The following PHACTR1 variants were observed in gnomAD, a reference collection of about 807,000 sequenced individuals.
PHACTR1 encodes phosphatase and actin regulator 1.
PHACTR1 carries 16 observed loss-of-function variants against 69.2 expected under a neutral mutation model. The observed-to-expected ratio is 0.23, with a 90% CI of 0.16 to 0.35. The LOEUF (loss-of-function observed/expected upper bound fraction) is 0.35. Ranked by LOEUF, PHACTR1 falls within the 10% of genes least tolerant of loss-of-function variation. The pLI, the probability that PHACTR1 is intolerant of heterozygous loss-of-function variation, is 1.00. For missense variants in PHACTR1, 510 were observed against 734.7 expected (o/e 0.69, Z 3.54); for synonymous variants, 312 against 284.5 (o/e 1.10, Z -0.97).
chr6:13,228,816 G>A (rs1338523987), intron 9 of PHACTR1, among the ~76,000 whole-genome samples: 4 of 152,208 alleles, frequency 2.6e-5, no homozygotes, highest in African/African-American at 4.8e-5. Flanking sequence ...AGGGCCTCAC[G>A]TCTGCTAAGG....
intron 7 of PHACTR1, among the ~76,000 whole-genome samples, chr6:13,196,099 T>G (rs1178168866): frequency 6.6e-6 from 1 of 151,658 alleles, no homozygotes; most frequent in Non-Finnish European, 1.5e-5. Flanking sequence ...GCTGCAGAAA[T>G]AAGTCAGCAA....
intron 4 of PHACTR1, among the ~76,000 whole-genome samples, chr6:12,885,185 A>T (rs374918063): frequency 9.9e-5 from 15 of 152,202 alleles, no homozygotes; most frequent in African/African-American, 3.6e-4. Flanking sequence ...GTCCCGTGGA[A>T]CTGCCTTGCG....
intron 4 of PHACTR1, among the ~76,000 whole-genome samples, chr6:12,986,864 C>G (rs997338954): frequency 6.3e-4 from 96 of 152,174 alleles, no homozygotes; most frequent in African/African-American, 2.3e-3. Flanking sequence ...ACAAGGTAAG[C>G]AAAGGTTTAG....
chr6:12,863,727 A>G (rs558009035), intron 4 of PHACTR1, among the ~76,000 whole-genome samples: 2 of 152,328 alleles, frequency 1.3e-5, no homozygotes, highest in Admixed American at 6.5e-5. Context: ...TAGGATGATA[A>G]TTGATTTGAC....
chr6:12,942,190 GA>G (rs1790127726), intron 4 of PHACTR1, among the ~76,000 whole-genome samples: 1 of 151,934 alleles, frequency 6.6e-6, no homozygotes, highest in Non-Finnish European at 1.5e-5. Flanking sequence ...AAAAAAGAAG[GA>G]AAAAAGAGAA....
intron 3 of PHACTR1, among the ~76,000 whole-genome samples, chr6:12,744,804 T>C (rs1765563653): frequency 1.3e-5 from 2 of 152,250 alleles, no homozygotes; most frequent in African/African-American, 4.8e-5. Context: ...TGGATTCTTA[T>C]GAATTCCATA....
At chr6:13,112,058 G>C (rs967349178) in intron 5 of PHACTR1, among the ~76,000 whole-genome samples, 1 of 152,010 alleles carries the variant, frequency 6.6e-6, no homozygotes, top group African/African-American at 2.4e-5. Flanking sequence ...GCCCCAGTGG[G>C]TGTTGCTCCC....
chr6:12,830,770 T>C (rs1192701137), intron 4 of PHACTR1, among the ~76,000 whole-genome samples: 1 of 151,812 alleles, frequency 6.6e-6, no homozygotes, highest in African/African-American at 2.4e-5. Context: ...TTTTGTATTT[T>C]TTTTTAGTAG....
rs566702756 is a variant in PHACTR1 at position 12,871,201 on chromosome 6, G to T, written c.250+121411G>T. 2.0e-5 allele frequency among the ~76,000 whole-genome samples: 3 copies of T among 152,138 alleles called. No homozygotes were observed. The South Asian group carries it at 6.2e-4, about 32-fold the overall frequency. On this transcript the variant is annotated intron_variant, in intron 4 of 14. Coordinates refer to ENST00000332995, the MANE Select transcript of PHACTR1 (RefSeq NM_030948.6). The stretch of plus-strand genomic sequence containing the variant: ...TCAAGGAAAGGGGGCCAGATGAAAA[G>T]AATGTGTTGGTATTTGCTCACCGCT...
intron 4 of PHACTR1, among the ~76,000 whole-genome samples, chr6:12,805,896 C>G (rs141292547): frequency 2.0e-5 from 3 of 152,108 alleles, no homozygotes; most frequent in Non-Finnish European, 2.9e-5. Context: ...CCACCATGCC[C>G]GGCCTATTTT....
At chr6:12,851,791 G>A (rs2127759570) in intron 4 of PHACTR1, among the ~76,000 whole-genome samples, 1 of 151,956 alleles carries the variant, frequency 6.6e-6, no homozygotes, top group African/African-American at 2.4e-5. Flanking sequence ...ATGATCTTTG[G>A]TACTACCACT....
rs529931720 is a variant in PHACTR1 at position 12,796,883 on chromosome 6, G to A, written c.250+47093G>A. ...CTGACACTGAAGAGCAGTTATTATC[G>A]CCTCCATTTTACAGAAGAGAAAATT... On this transcript the variant is annotated intron_variant, in intron 4 of 14. Transcript: ENST00000332995. 3.4e-4 allele frequency among the ~76,000 whole-genome samples: 52 copies of A among 152,178 alleles called. No individual in the cohort carries two copies. In the South Asian group the frequency reaches 0.01, roughly 30 times the overall value.
chr6:13,270,457 C>A (rs1777480641), intron 10 of PHACTR1, among the ~76,000 whole-genome samples: 1 of 152,190 alleles, frequency 6.6e-6, no homozygotes, highest in Non-Finnish European at 1.5e-5. Flanking sequence ...TGGTGGCCAG[C>A]CCCATCCTAA....
At chr6:12,749,245 C>A (rs1766213906) in intron 3 of PHACTR1, among the ~76,000 whole-genome samples, 1 of 152,222 alleles carries the variant, frequency 6.6e-6, no homozygotes, top group African/African-American at 2.4e-5. Context: ...GCGTTGGAGT[C>A]GTCCCTTTCG....
chr6:12,986,861 A>G (rs1796248385), intron 4 of PHACTR1, among the ~76,000 whole-genome samples: 1 of 152,202 alleles, frequency 6.6e-6, no homozygotes, highest in Non-Finnish European at 1.5e-5. Context: ...AGAACAAGGT[A>G]AGCAAAGGTT....
At chr6:12,995,996 A>ATC (rs1489516930) in intron 4 of PHACTR1, among the ~76,000 whole-genome samples, 1 of 152,164 alleles carries the variant, frequency 6.6e-6, no homozygotes, top group Non-Finnish European at 1.5e-5. Context: ...TCAAAAGTAA[A>ATC]TCATTTCTAA....
At chr6:12,775,542 G>T (rs1769954088) in intron 4 of PHACTR1, among the ~76,000 whole-genome samples, 1 of 152,136 alleles carries the variant, frequency 6.6e-6, no homozygotes, top group Non-Finnish European at 1.5e-5. Flanking sequence ...TCATTTATTT[G>T]TGATTGCCAA....
At chr6:12,866,286 T>C (rs1047673001) in intron 4 of PHACTR1, among the ~76,000 whole-genome samples, 2 of 152,190 alleles carry the variant, frequency 1.3e-5, no homozygotes, top group Non-Finnish European at 2.9e-5. Context: ...ACAGATTGCA[T>C]ATATTATAGG....
chr6:13,085,317 A>G (rs1444484460), intron 5 of PHACTR1, among the ~76,000 whole-genome samples: 1 of 152,182 alleles, frequency 6.6e-6, no homozygotes, highest in East Asian at 1.9e-4. Flanking sequence ...AATGTTATTC[A>G]AAATTAACCA....
Sources: gnomAD v4.1 joint callset for allele counts (sites outside exome capture counted in the v4.1 genomes callset) on GRCh38, gnomAD v4.1.1 for gene constraint, MANE v1.5 for transcripts, NCBI Gene and HGNC (gene_info 2026-07-23, HGNC 2026-07-21) for gene names.